Variants in RAD51B observed in about 807,000 individuals in gnomAD.
The protein encoded by RAD51B is DNA repair protein RAD51 homolog 2.
RAD51B carries 38 observed loss-of-function variants against 42.2 expected under a neutral mutation model. That is an observed-to-expected ratio of 0.90 (90% CI 0.70 to 1.18). The LOEUF is 1.18. Ranked by LOEUF, RAD51B falls within the 50% of genes most tolerant of loss-of-function variation. The pLI is 0.00. For synonymous variants in RAD51B, 154 were observed against 145.2 expected (o/e 1.06, Z -0.43); for missense variants, 373 against 400.7 (o/e 0.93, Z 0.59).
intron 9 of RAD51B, among the ~76,000 whole-genome samples, chr14:68,417,301 G>A (rs757993757): frequency 3.3e-5 from 5 of 152,228 alleles, no homozygotes; most frequent in Non-Finnish European, 5.9e-5. Context: ...TCCCGCCAGA[G>A]GAGAAGTTCG....
At chr14:68,605,509 G>A (rs1421806964) in intron 10 of RAD51B, among the ~76,000 whole-genome samples, 1 of 152,238 alleles carries the variant, frequency 6.6e-6, no homozygotes, top group Non-Finnish European at 1.5e-5. Context: ...CTGGCTAACA[G>A]TTTAACAAGA....
intron 7 of RAD51B, among the ~76,000 whole-genome samples, chr14:68,119,205 G>C (rs554460253): frequency 6.7e-6 from 1 of 149,556 alleles, no homozygotes; most frequent in African/African-American, 2.4e-5. Context: ...TAATTTTTCC[G>C]ATTTTTTTGT....
chr14:68,396,467 C>T (rs569742738), intron 8 of RAD51B, among the ~76,000 whole-genome samples: 2 of 152,194 alleles, frequency 1.3e-5, no homozygotes, highest in African/African-American at 2.4e-5. Flanking sequence ...ATTAACACAG[C>T]GATTCTATTT....
At chr14:68,079,620 T>C (rs1595368006) in intron 7 of RAD51B, among the ~76,000 whole-genome samples, 1 of 152,212 alleles carries the variant, frequency 6.6e-6, no homozygotes, top group South Asian at 2.1e-4. Flanking sequence ...TCTAAATCTT[T>C]ATGTTGGTTT....
intron 7 of RAD51B, among the ~76,000 whole-genome samples, chr14:68,111,785 A>G (rs774377001): frequency 1.3e-5 from 2 of 152,088 alleles, no homozygotes; most frequent in Non-Finnish European, 2.9e-5. Context: ...GAAGGGAGCA[A>G]TTACATCCCA....
At chr14:68,032,154 C>T (rs1481584243) in intron 7 of RAD51B, among the ~76,000 whole-genome samples, 3 of 152,102 alleles carry the variant, frequency 2.0e-5, no homozygotes, top group Non-Finnish European at 2.9e-5. Flanking sequence ...ATGGAGTTGT[C>T]GTGAAGATCA....
chr14:68,195,199 A>G (rs1382642650), intron 7 of RAD51B, among the ~76,000 whole-genome samples: 1 of 152,206 alleles, frequency 6.6e-6, no homozygotes, highest in Non-Finnish European at 1.5e-5. Flanking sequence ...TAGATTTACT[A>G]TGCCATCTTT....
intron 7 of RAD51B, among the ~76,000 whole-genome samples, chr14:68,159,984 C>T (rs995506201): frequency 2.6e-5 from 4 of 151,962 alleles, no homozygotes; most frequent in Non-Finnish European, 4.4e-5. Context: ...AGAAAACTGC[C>T]GACTTCCCCA....
intron 8 of RAD51B, among the ~76,000 whole-genome samples, chr14:68,302,527 T>G (rs561029937): frequency 6.6e-6 from 1 of 151,934 alleles, no homozygotes; most frequent in Non-Finnish European, 1.5e-5. Context: ...ACCAGCTCGG[T>G]TGGGGAGACC....
chr14:68,557,855 G>A (rs550802190), intron 10 of RAD51B, among the ~76,000 whole-genome samples: 1 of 152,270 alleles, frequency 6.6e-6, no homozygotes, highest in Admixed American at 6.5e-5. Context: ...AAGACAGACA[G>A]ATGATTTATT....
intron 8 of RAD51B, among the ~76,000 whole-genome samples, chr14:68,381,357 G>A (rs2083473581): frequency 6.6e-6 from 1 of 152,120 alleles, no homozygotes; most frequent in African/African-American, 2.4e-5. Flanking sequence ...CCCTTAAACT[G>A]ATCATGGTGC....
chr14:68,482,582 T>G (rs1883288216), downstream of RAD51B, among the ~76,000 whole-genome samples: 1 of 152,144 alleles, frequency 6.6e-6, no homozygotes, highest in African/African-American at 2.4e-5. Flanking sequence ...GAAGGGTCAT[T>G]TTTTCCATGT....
At chr14:68,342,004 AT>A (rs945823549) in intron 8 of RAD51B, among the ~76,000 whole-genome samples, 2 of 152,196 alleles carry the variant, frequency 1.3e-5, no homozygotes, top group Admixed American at 6.5e-5. Context: ...GAAAAAAAAA[AT>A]CCAGATGCTT....
At chr14:68,083,471 G>C (rs574400186) in intron 7 of RAD51B, among the ~76,000 whole-genome samples, 1 of 152,256 alleles carries the variant, frequency 6.6e-6, no homozygotes, top group South Asian at 2.1e-4. Context: ...TTTGATACTC[G>C]ATCACTGGAG....
At chr14:68,512,337 G>C (rs1566920896) in intron 10 of RAD51B, among the ~76,000 whole-genome samples, 1 of 152,192 alleles carries the variant, frequency 6.6e-6, no homozygotes, top group African/African-American at 2.4e-5. Flanking sequence ...CTCTCCGTCT[G>C]TTTCTCATCA....
At chr14:68,290,442 C>A (rs900261875) in intron 7 of RAD51B, among the ~76,000 whole-genome samples, 48 of 152,160 alleles carry the variant, frequency 3.2e-4, no homozygotes, top group African/African-American at 1.2e-3. Context: ...GTAGGTTTTA[C>A]AAATGAGAAT....
chr14:68,566,491 G>T (rs1889425447), intron 10 of RAD51B, among the ~76,000 whole-genome samples: 1 of 152,202 alleles, frequency 6.6e-6, no homozygotes, highest in Non-Finnish European at 1.5e-5. Context: ...TGTATGCCCT[G>T]TTATGCCAGC....
chr14:68,145,954 T>C (rs1227000601), intron 7 of RAD51B, among the ~76,000 whole-genome samples: 1 of 152,222 alleles, frequency 6.6e-6, no homozygotes, highest in African/African-American at 2.4e-5. Context: ...TTTCTGAAAC[T>C]TACTGAACTA....
chr14:68,494,780 T>C (rs573985248), intron 10 of RAD51B, among the ~76,000 whole-genome samples: 2 of 152,144 alleles, frequency 1.3e-5, no homozygotes, highest in South Asian at 4.2e-4. Context: ...GACTTTTAAC[T>C]CTTTATCCAG....
Sources: gnomAD v4.1 joint callset for allele counts (sites outside exome capture counted in the v4.1 genomes callset) on GRCh38, gnomAD v4.1.1 for gene constraint, MANE v1.5 for transcripts, NCBI Gene and HGNC (gene_info 2026-07-23, HGNC 2026-07-21) for gene names.